The following C4orf51 variants were observed in gnomAD, a reference collection of about 807,000 sequenced individuals.
The protein encoded by C4orf51 is uncharacterized protein C4orf51.
In C4orf51, 25 loss-of-function variants were observed where a neutral mutation model predicts 25.2. That is an observed-to-expected ratio of 0.99 (90% CI 0.72 to 1.39). The LOEUF is 1.39. Ranked by LOEUF, C4orf51 falls within the 40% of genes most tolerant of loss-of-function variation. The pLI, the probability that C4orf51 is intolerant of heterozygous loss-of-function variation, is 0.00. For missense variants in C4orf51, 252 were observed against 239.6 expected (o/e 1.05, Z -0.34); for synonymous variants, 100 against 84.5 (o/e 1.18, Z -1.01).
chr4:145,774,009 T>C (rs1303475066), downstream of C4orf51, among the ~76,000 whole-genome samples: 1 of 152,168 alleles, frequency 6.6e-6, no homozygotes, highest in Non-Finnish European at 1.5e-5. Context: ...TCACTGAAAC[T>C]AGTGACTACT....
At chr4:145,693,848 C>A (rs1560824299) in intron 1 of C4orf51, among the ~76,000 whole-genome samples, 1 of 98,922 alleles carries the variant, frequency 1.0e-5, no homozygotes, top group African/African-American at 4.0e-5. Flanking sequence ...GGGCTGACCC[C>A]CCCCACCTCC....
At chr4:145,784,773 G>A in the C4orf51 span, among the ~76,000 whole-genome samples, 1 of 152,164 alleles carries the variant, frequency 6.6e-6, no homozygotes, top group African/African-American at 2.4e-5. Context: ...CTTAGCATTT[G>A]TTTCATTATT....
At chr4:145,740,031 T>G (rs1733007809) in intron 1 of C4orf51, among the ~76,000 whole-genome samples, 1 of 152,188 alleles carries the variant, frequency 6.6e-6, no homozygotes. Flanking sequence ...AAACAAACGT[T>G]AAGTTCAGAG....
At chr4:145,777,803 A>T in the C4orf51 span, among the ~76,000 whole-genome samples, 1 of 151,930 alleles carries the variant, frequency 6.6e-6, no homozygotes, top group Non-Finnish European at 1.5e-5. Flanking sequence ...ACCTCTATAA[A>T]TTTTCCTCTG....
At chr4:145,733,875 G>C (rs908353552), downstream of C4orf51, among the ~76,000 whole-genome samples, 6 of 152,140 alleles carry the variant, frequency 3.9e-5, no homozygotes, top group Admixed American at 1.3e-4. Flanking sequence ...GGAGAGAAAG[G>C]CCTCTGTTTA....
chr4:145,738,087 G>C (rs892390961), intron 1 of C4orf51, among the ~76,000 whole-genome samples: 1 of 152,176 alleles, frequency 6.6e-6, no homozygotes, highest in Non-Finnish European at 1.5e-5. Flanking sequence ...GTTGGTTCCT[G>C]CTGGAGCACA....
At chr4:145,735,433 G>A (rs529984647), downstream of C4orf51, among the ~76,000 whole-genome samples, 54 of 152,316 alleles carry the variant, frequency 3.5e-4, no homozygotes, top group African/African-American at 1.2e-3. Flanking sequence ...GTTACTAAGA[G>A]ACAGACTGGG....
rs1309574389 is a variant in C4orf51, at chr4:145,721,664, AG to A, written c.308-5244del. ...AAATTCCCTGCAGAGACTGGGCACAAGGGAACATTGGCAGCCAAGCCTGTTA... is the reference window on the plus strand; with the variant it reads ...AAATTCCCTGCAGAGACTGGGCACAAGGAACATTGGCAGCCAAGCCTGTTA... On this transcript the variant is annotated intron_variant, in intron 2 of 5. Transcript: ENST00000438731. 7.9e-5 allele frequency among the ~76,000 whole-genome samples: 12 copies of A among 152,364 alleles called. No individual in the cohort carries two copies. The East Asian group carries it at 2.3e-3, about 29-fold the overall frequency.
At chr4:145,790,451 C>T in the C4orf51 span, among the ~76,000 whole-genome samples, 16 of 152,244 alleles carry the variant, frequency 1.1e-4, no homozygotes, top group African/African-American at 3.6e-4. Context: ...TTCTAAAATA[C>T]TAAAATTTTA....
At chr4:145,768,454 C>T (rs552772021) in intron 1 of C4orf51, among the ~76,000 whole-genome samples, 7 of 152,196 alleles carry the variant, frequency 4.6e-5, no homozygotes, top group South Asian at 2.1e-4. Flanking sequence ...CATGAGCCAC[C>T]GTACCTGGCC....
At chr4:145,721,855 C>G (rs1370641092) in intron 2 of C4orf51, among the ~76,000 whole-genome samples, 1 of 152,198 alleles carries the variant, frequency 6.6e-6, no homozygotes, top group African/African-American at 2.4e-5. Context: ...AACCATGTGT[C>G]TGCCTATGAG....
chr4:145,729,772 G>A (rs1161732966), intron 4 of C4orf51, 120 bp from the exon 5 acceptor site: 4 of 747,196 alleles, frequency 5.4e-6, no homozygotes, highest in Non-Finnish European at 9.4e-6. Context: ...GGAGGGGGCT[G>A]TGTATGTGAA....
chr4:145,711,664 C>T (rs112041955), intron 2 of C4orf51, among the ~76,000 whole-genome samples: 5 of 152,130 alleles, frequency 3.3e-5, no homozygotes, highest in African/African-American at 1.2e-4. Flanking sequence ...GCTTTGAGTA[C>T]ACAGATTCTT....
chr4:145,729,853 A>G lies in C4orf51; in HGVS notation c.428-39A>G, dbSNP rs371732664. The G allele has an allele frequency of 6.4e-5, 100 of 1,551,844 alleles. No individual in the cohort carries two copies. In the African/African-American group the frequency reaches 1.3e-3, roughly 20 times the overall value. ...ATTTCACTTATGGTAGACTCTCTTT[A>G]TCGCAAACACTCACACATTGGCTAT... On this transcript the variant is annotated intron_variant, in intron 4 of 5. Transcript: ENST00000438731.
chr4:145,747,882 G>A (rs1300725815), intron 1 of C4orf51, among the ~76,000 whole-genome samples: 2 of 150,616 alleles, frequency 1.3e-5, no homozygotes, highest in African/African-American at 4.9e-5. Context: ...GTGTAATACT[G>A]ACCTCTTAGA....
Position 145,698,824 on chromosome 4 carries a change from G to A in C4orf51, c.307+2192G>A, listed in dbSNP as rs368395479. Among the ~76,000 whole-genome samples, 18 of 152,296 alleles carry A rather than the reference G, an allele frequency of 1.2e-4. No homozygotes were observed. The East Asian group carries it at 1.3e-3, about 11-fold the overall frequency. Reference sequence around the variant, plus strand: ...TATATATTTTGGATATTAACTCCTTGTCAGGCCTCTGAGCCCAAGCCAAGC... The same window carrying A: ...TATATATTTTGGATATTAACTCCTTATCAGGCCTCTGAGCCCAAGCCAAGC... On this transcript the variant is annotated intron_variant, in intron 2 of 5. Transcript: ENST00000438731.
chr4:145,723,760 C>T (rs930893750), intron 2 of C4orf51, among the ~76,000 whole-genome samples: 6 of 152,172 alleles, frequency 3.9e-5, no homozygotes, highest in African/African-American at 9.7e-5. Flanking sequence ...AAGGTAGATA[C>T]ATAATAGCAA....
intron 1 of C4orf51, among the ~76,000 whole-genome samples, chr4:145,769,263 A>G (rs1735887214): frequency 6.6e-6 from 1 of 152,064 alleles, no homozygotes; most frequent in Admixed American, 6.6e-5. Flanking sequence ...CTCTTGGTAC[A>G]AGAAAGCTAT....
At chr4:145,733,206 G>T (rs1266936668), downstream of C4orf51, among the ~76,000 whole-genome samples, 1 of 151,404 alleles carries the variant, frequency 6.6e-6, no homozygotes, top group Non-Finnish European at 1.5e-5. Flanking sequence ...GCTCCTCCCG[G>T]CCCGCCGGAG....
Sources: gnomAD v4.1 joint callset for allele counts (sites outside exome capture counted in the v4.1 genomes callset) on GRCh38, gnomAD v4.1.1 for gene constraint, MANE v1.5 for transcripts, NCBI Gene and HGNC (gene_info 2026-07-23, HGNC 2026-07-21) for gene names.